CHST12: variants seen among roughly 807,000 people sequenced by gnomAD.
CHST12 encodes carbohydrate sulfotransferase 12.
CHST12 carries 23 observed loss-of-function variants against 27.9 expected under a neutral mutation model. That is an observed-to-expected ratio of 0.82 (90% CI 0.59 to 1.17). The LOEUF (loss-of-function observed/expected upper bound fraction) is 1.17, where lower values mean the gene tolerates loss of function less well. Among genes scored for constraint, CHST12 ranks in the 50% most tolerant of loss-of-function variants. The pLI, the probability that CHST12 is intolerant of heterozygous loss-of-function variation, is 0.00. For missense variants in CHST12, 682 were observed against 603.0 expected (o/e 1.13, Z -1.37); for synonymous variants, 322 against 273.0 (o/e 1.18, Z -1.77).
chr7:2,430,332 T>C (rs1320630421), intron 1 of CHST12, among the ~76,000 whole-genome samples: 1 of 152,140 alleles, frequency 6.6e-6, no homozygotes, highest in Non-Finnish European at 1.5e-5. Flanking sequence ...ATTTATTTTT[T>C]TGAGATGGAG....
rs1047105132 is a variant in CHST12 at position 2,413,666 on chromosome 7, C to CTTCACCCTTT, written c.-78+9996_-78+10005dup. 1.2e-4 allele frequency among the ~76,000 whole-genome samples: 18 copies of CTTCACCCTTT among 150,806 alleles called. No individual in the cohort carries two copies. The East Asian group carries it at 3.1e-3, about 26-fold the overall frequency. ...TGTGGCGTTCACCCATGAATCAGCA[C>CTTCACCCTTT]TTCACCCTTTTTACACTCACTTGCT... is the stretch of plus-strand genomic sequence containing the variant. On this transcript the variant is annotated intron_variant, in intron 1 of 1. Coordinates refer to ENST00000618655, the MANE Select transcript of CHST12 (RefSeq NM_018641.5).
chr7:2,447,600 G>A lies in CHST12; in HGVS notation c.*13716G>A, dbSNP rs530752867. On this transcript the variant is annotated 3_prime_UTR_variant, in exon 2 of 2. Transcript: ENST00000618655. The stretch of plus-strand genomic sequence containing the variant: ...CGATTTTCATGCCTCAGCTTCCCGA[G>A]TAGCTGGGATTACAGGCATGTGCCA... The A allele has an allele frequency of 2.0e-5, 3 of 152,332 alleles. No homozygotes were observed. In the East Asian group the frequency reaches 5.8e-4, roughly 30 times the overall value. The allele number at this position is 152,332 out of a possible 1,614,324, so 9.4% of individuals were successfully genotyped here.
chr7:2,428,623 G>A (rs1305135938), intron 1 of CHST12, among the ~76,000 whole-genome samples: 1 of 152,110 alleles, frequency 6.6e-6, no homozygotes, highest in Non-Finnish European at 1.5e-5. Flanking sequence ...TTGATTATGA[G>A]GTGAGATGGT....
chr7:2,416,290 C>T (rs1018964395), intron 1 of CHST12, among the ~76,000 whole-genome samples: 7 of 152,346 alleles, frequency 4.6e-5, no homozygotes, highest in African/African-American at 1.4e-4. Context: ...GTTTCCACCA[C>T]ATCTGCTGTT....
chr7:2,404,264 C>G (rs1161834140), intron 1 of CHST12: 1 of 152,368 alleles, frequency 6.6e-6, no homozygotes, highest in East Asian at 1.9e-4. Context: ...CCCTGCCCCT[C>G]TGGGAGAGGA....
At chr7:2,431,315 C>A (rs760680531) in intron 1 of CHST12, among the ~76,000 whole-genome samples, 5 of 152,198 alleles carry the variant, frequency 3.3e-5, no homozygotes, top group African/African-American at 7.2e-5. Flanking sequence ...CTCCTGCTTT[C>A]TTTTCATTAA....
At chr7:2,422,636 A>G (rs1782008042) in intron 1 of CHST12, among the ~76,000 whole-genome samples, 1 of 151,780 alleles carries the variant, frequency 6.6e-6, no homozygotes, top group South Asian at 2.1e-4. Context: ...CCCGGGTTCA[A>G]GCGATTCTCC....
chr7:2,423,369 G>A lies in CHST12; in HGVS notation c.-77-9194G>A, dbSNP rs142224046. 4.2e-3 allele frequency among the ~76,000 whole-genome samples: 632 copies of A among 152,228 alleles called. 7 individuals are homozygous for A. The highest frequency in any genetic ancestry group is 0.014 in the African/African-American group (591 of 41,550). On this transcript the variant is annotated intron_variant, in intron 1 of 1. Coordinates refer to ENST00000618655, the MANE Select transcript of CHST12 (RefSeq NM_018641.5). ...AGCTGGTACAGGACTGCATGTTCTC[G>A]TCCCACTCACACCCTGAACACACTG...
chr7:2,419,101 C>T lies in CHST12; in HGVS notation c.-77-13462C>T, dbSNP rs544979406. On this transcript the variant is annotated intron_variant, in intron 1 of 1. Coordinates refer to ENST00000618655, the MANE Select transcript of CHST12 (RefSeq NM_018641.5). ...GCATGAACCACCATGTCTGGCTGTCCAAACCGCCTTTTAAAATTAAAACTT... is the reference window on the plus strand; with the variant it reads ...GCATGAACCACCATGTCTGGCTGTCTAAACCGCCTTTTAAAATTAAAACTT... Among the ~76,000 whole-genome samples the T allele has an allele frequency of 9.8e-5, 15 of 152,316 alleles. 1 individual carries two copies. Among genetic ancestry groups the T allele is most frequent in the South Asian group, 8.3e-4 (4 of 4,826 alleles).
intron 1 of CHST12, among the ~76,000 whole-genome samples, chr7:2,419,475 G>A (rs1781906564): frequency 6.6e-6 from 1 of 151,112 alleles, no homozygotes; most frequent in South Asian, 2.1e-4. Context: ...GAGAGGCCAA[G>A]GCAGGTGGAT....
At chr7:2,426,019 G>A (rs1038227058) in intron 1 of CHST12, among the ~76,000 whole-genome samples, 2 of 151,982 alleles carry the variant, frequency 1.3e-5, no homozygotes, top group African/African-American at 2.4e-5. Flanking sequence ...GACGGGGCTC[G>A]CTAGATCAGC....
At chr7:2,404,679 CAG>C (rs1411128778) in intron 1 of CHST12, among the ~76,000 whole-genome samples, 2 of 152,196 alleles carry the variant, frequency 1.3e-5, no homozygotes, top group Admixed American at 6.5e-5. Context: ...GGAGAGAAAA[CAG>C]GGGTAATGAG....
Position 2,437,551 on chromosome 7 carries a change from A to T in CHST12, c.*3667A>T, listed in dbSNP as rs1276236059. 6.6e-6 allele frequency: 1 copy of T among 152,082 alleles called. No homozygotes were observed. The highest frequency in any genetic ancestry group is 6.6e-5 in the Admixed American group (1 of 15,266). The allele number at this position is 152,082 out of a possible 1,614,324, so 9.4% of individuals were successfully genotyped here. A position where few individuals can be genotyped will look rare whatever the true frequency, so the allele number is the denominator to read the frequency against. Reference sequence around the variant, plus strand: ...AGTGCTTTTGCCATTTATTTGGACTATTGGAAAAATTTCAGGTTTGGTTTT... The same window carrying T: ...AGTGCTTTTGCCATTTATTTGGACTTTTGGAAAAATTTCAGGTTTGGTTTT... On this transcript the variant is annotated 3_prime_UTR_variant, in exon 2 of 2. Transcript: ENST00000618655.
chr7:2,432,078 C>G lies in CHST12; in HGVS notation c.-77-485C>G, dbSNP rs987302581. Reference sequence around the variant, plus strand: ...AATGGCGTGAACCTGGGAGGTGCAGCTTGCAGTGAGCCAAGATCGGGCCAC... The same window carrying G: ...AATGGCGTGAACCTGGGAGGTGCAGGTTGCAGTGAGCCAAGATCGGGCCAC... On this transcript the variant is annotated intron_variant, in intron 1 of 1. Coordinates refer to ENST00000618655, the MANE Select transcript of CHST12 (RefSeq NM_018641.5). Among the ~76,000 whole-genome samples, 8 of 134,842 alleles carry G rather than the reference C, an allele frequency of 5.9e-5. No individual in the cohort carries two copies. In the South Asian group the frequency reaches 1.9e-3, roughly 33 times the overall value. 88.5% of individuals were successfully genotyped at this position (134,842 alleles called of 152,430 possible).
intron 1 of CHST12, among the ~76,000 whole-genome samples, chr7:2,415,698 C>T (rs1011385262): frequency 2.4e-4 from 37 of 151,814 alleles, no homozygotes; most frequent in Admixed American, 5.2e-4. Flanking sequence ...CTGCAAGCTC[C>T]GCCTCCCGGG....
intron 1 of CHST12, 99 bp downstream of exon 1, chr7:2,403,772 G>A (rs1691665217): frequency 6.5e-6 from 1 of 152,776 alleles, no homozygotes; most frequent in Admixed American, 6.6e-5. Context: ...GGGCCGCGCT[G>A]AGGGGCGCGG....
intron 1 of CHST12, among the ~76,000 whole-genome samples, chr7:2,420,734 T>C (rs904315023): frequency 6.6e-6 from 1 of 152,142 alleles, no homozygotes; most frequent in Non-Finnish European, 1.5e-5. Flanking sequence ...GCAGTGAGGT[T>C]TGATGGCACC....
At chr7:2,422,270 G>T (rs1254181630) in intron 1 of CHST12, among the ~76,000 whole-genome samples, 2 of 151,532 alleles carry the variant, frequency 1.3e-5, no homozygotes, top group South Asian at 4.2e-4. Context: ...TTGAGAGGGA[G>T]TTTCCCTCTT....
Position 2,409,460 on chromosome 7 carries a change from CA to C in CHST12, c.-78+5792del, listed in dbSNP as rs1357795841. Among the ~76,000 whole-genome samples, 53 of 152,002 alleles carry C rather than the reference CA, an allele frequency of 3.5e-4. 1 individual carries two copies. Among genetic ancestry groups the C allele is most frequent in the Admixed American group, 3.5e-3 (53 of 15,250 alleles). On this transcript the variant is annotated intron_variant, in intron 1 of 1. Transcript: ENST00000618655. ...CGAAACCCTGTCTCTACTGAAAATA[CA>C]AAAATTAGCCAGACATGGTGGCCTG...
Sources: allele counts gnomAD v4.1 joint callset (sites outside exome capture counted in the v4.1 genomes callset), GRCh38; gene constraint gnomAD v4.1.1; transcripts MANE v1.5; gene names NCBI Gene and HGNC (gene_info 2026-07-23, HGNC 2026-07-21).